COL23A1: variants seen among roughly 807,000 people sequenced by gnomAD.
The protein encoded by COL23A1 is collagen type XXIII alpha 1 chain, also known as collagen alpha-1(XXIII) chain.
In COL23A1, 97 loss-of-function variants were observed where a neutral mutation model predicts 99.3. The ratio of observed to expected loss-of-function variants is 0.98; its 90% CI spans 0.83 to 1.16. COL23A1 has a LOEUF of 1.16. Ranked by LOEUF, COL23A1 falls within the 50% of genes most tolerant of loss-of-function variation. The pLI is 0.00. For missense variants in COL23A1, 762 were observed against 757.4 expected, an observed-to-expected ratio of 1.01 and a Z score of -0.07; for synonymous variants, 320 against 308.2, an observed-to-expected ratio of 1.04 and a Z score of -0.40.
chr5:178,358,583 A>ATGTG (rs764844753), intron 2 of COL23A1, among the ~76,000 whole-genome samples: 12 of 139,622 alleles, frequency 8.6e-5, no homozygotes, highest in African/African-American at 2.4e-4. Flanking sequence ...GTGTATGTGT[A>ATGTG]TGTGTGTGTA....
chr5:178,357,903 CTAATG>C (rs1561895082), intron 2 of COL23A1, among the ~76,000 whole-genome samples: 1 of 110,408 alleles, frequency 9.1e-6, no homozygotes, highest in African/African-American at 3.5e-5. Context: ...GTATGTGTGT[CTAATG>C]TGTGTGTATG....
intron 2 of COL23A1, among the ~76,000 whole-genome samples, chr5:178,437,367 A>G (rs1445929263): frequency 6.6e-6 from 1 of 152,182 alleles, no homozygotes; most frequent in African/African-American, 2.4e-5. Flanking sequence ...GGGATGAAAC[A>G]GGGTGCCAGG....
chr5:178,554,751 G>A (rs972175141), intron 2 of COL23A1, among the ~76,000 whole-genome samples: 1 of 151,878 alleles, frequency 6.6e-6, no homozygotes, highest in Non-Finnish European at 1.5e-5. Context: ...GCCCATCAAC[G>A]TGTCCCATGC....
chr5:178,509,740 A>C (rs1371066241), intron 2 of COL23A1, among the ~76,000 whole-genome samples: 1 of 152,120 alleles, frequency 6.6e-6, no homozygotes, highest in Admixed American at 6.5e-5. Flanking sequence ...CCCCGCCCCA[A>C]GTGTGAAGCT....
At chr5:178,529,458 G>T (rs565812027) in intron 2 of COL23A1, among the ~76,000 whole-genome samples, 66 of 152,330 alleles carry the variant, frequency 4.3e-4, no homozygotes, top group African/African-American at 1.5e-3. Context: ...ACACTGAGGT[G>T]CAGGGAGGAA....
At chr5:178,254,662 A>T (rs1765210358) in intron 16 of COL23A1, among the ~76,000 whole-genome samples, 1 of 151,902 alleles carries the variant, frequency 6.6e-6, no homozygotes, top group Non-Finnish European at 1.5e-5. Flanking sequence ...GTGGGAACAG[A>T]CCCCAGGAAA....
intron 12 of COL23A1, among the ~76,000 whole-genome samples, chr5:178,257,916 G>A (rs993940557): frequency 5.3e-5 from 8 of 152,186 alleles, no homozygotes; most frequent in Non-Finnish European, 8.8e-5. Flanking sequence ...ATAAATACGA[G>A]GTTGGCTGGC....
At chr5:178,586,407 T>C (rs1764008335) in intron 1 of COL23A1, among the ~76,000 whole-genome samples, 1 of 152,160 alleles carries the variant, frequency 6.6e-6, no homozygotes, top group Non-Finnish European at 1.5e-5. Flanking sequence ...ACCTCAGGCA[T>C]GGTCTGCTCT....
chr5:178,379,955 T>G (rs1397562389), intron 2 of COL23A1, among the ~76,000 whole-genome samples: 1 of 152,022 alleles, frequency 6.6e-6, no homozygotes, highest in Non-Finnish European at 1.5e-5. Context: ...CAACCTTATT[T>G]TATAGATGAG....
intron 2 of COL23A1, among the ~76,000 whole-genome samples, chr5:178,547,494 CA>C (rs1761660826): frequency 7.1e-6 from 1 of 141,260 alleles, no homozygotes; most frequent in Non-Finnish European, 1.5e-5. Context: ...CACACCCACA[CA>C]TCCCCATACA....
intron 1 of COL23A1, among the ~76,000 whole-genome samples, chr5:178,563,106 A>G (rs752731929): frequency 6.6e-6 from 1 of 152,118 alleles, no homozygotes; most frequent in Middle Eastern, 3.4e-3. Flanking sequence ...CTTTAGGCGC[A>G]CTCACTCCTC....
chr5:178,403,120 AAAT>A (rs1214696662), intron 2 of COL23A1, among the ~76,000 whole-genome samples: 11 of 89,632 alleles, frequency 1.2e-4, no homozygotes, highest in African/African-American at 4.5e-4. Flanking sequence ...AAAAAAAAAA[AAAT>A]AAATAAATAA....
Position 178,415,193 on chromosome 5 carries a change from T to C in COL23A1, c.362-108274A>G, listed in dbSNP as rs1208724169. Among the ~76,000 whole-genome samples the C allele has an allele frequency of 6.6e-6, 1 of 152,184 alleles. No homozygotes were observed. ...AGGAAGGAGCTCCAGTCAAGGATCC[T>C]GGCATCTTGCTTGGTGCAATGACAC... On this transcript the variant is annotated intron_variant, in intron 2 of 28. Coordinates refer to ENST00000390654, the MANE Select transcript of COL23A1 (RefSeq NM_173465.4). The surrounding 1 kb of genome is among the most constrained non-coding windows in gnomAD (Gnocchi z 4.6).
In COL23A1 at chr5:178,246,414, C is replaced by T. The variant is rs1390947652; in HGVS notation, c.1336G>A (p.Glu446Lys). The T allele has an allele frequency of 6.3e-7, 1 of 1,578,780 alleles. No homozygotes were observed. The change falls in exon 23 of 29, where the codon GAG becomes AAG. Residue 446 changes from glutamate (E) to lysine (K), a missense_variant. Physicochemically the swap from Glu to Lys is moderately conservative, Grantham distance 56. Transcript: ENST00000390654. ...ACAGGCAGGCCGCTGGGGCCTCTCTCACCCGACGCACCCTTCTCTCCCTTT... is the reference window on the plus strand; with the variant it reads ...ACAGGCAGGCCGCTGGGGCCTCTCTTACCCGACGCACCCTTCTCTCCCTTT... The part of the protein sequence containing the change: ...GAKGEKGASG[E>K]RGPSGLPGPV...
intron 2 of COL23A1, among the ~76,000 whole-genome samples, chr5:178,426,090 T>A (rs1354699394): frequency 6.6e-6 from 1 of 152,226 alleles, no homozygotes; most frequent in Admixed American, 6.5e-5. Flanking sequence ...TGTAGAAGTC[T>A]CCGTTTAGTG....
chr5:178,394,100 G>A (rs1764105039), intron 2 of COL23A1, among the ~76,000 whole-genome samples: 1 of 152,214 alleles, frequency 6.6e-6, no homozygotes, highest in Admixed American at 6.5e-5. Context: ...ACCTGGGAGG[G>A]CAGGAGGAAG....
intron 2 of COL23A1, 107 bp downstream of exon 2, chr5:178,560,575 C>T (rs62391102): frequency 7.1e-6 from 7 of 979,250 alleles, no homozygotes; most frequent in East Asian, 5.2e-5. Context: ...TGCACGAAGA[C>T]GACAGCCTGA....
In COL23A1 at chr5:178,313,669, C is replaced by T. The variant is rs2127615793; in HGVS notation, c.362-6750G>A. ...AAGATTTTCTCATCCCACCACGTGTCGAGTGTCCCTTCAGACCTGGTCCTT... is the reference window on the plus strand; with the variant it reads ...AAGATTTTCTCATCCCACCACGTGTTGAGTGTCCCTTCAGACCTGGTCCTT... On this transcript the variant is annotated intron_variant, in intron 2 of 28. Coordinates refer to ENST00000390654, the MANE Select transcript of COL23A1 (RefSeq NM_173465.4). This position sits in a 1 kb window ranked among gnomAD's most constrained non-coding sequence, Gnocchi z 4.2. Among the ~76,000 whole-genome samples the T allele has an allele frequency of 6.6e-6, 1 of 152,300 alleles. No homozygotes were observed. The highest frequency in any genetic ancestry group is 2.4e-5 in the African/African-American group (1 of 41,556).
At chr5:178,381,599 T>C (rs1324819662) in intron 2 of COL23A1, among the ~76,000 whole-genome samples, 2 of 152,202 alleles carry the variant, frequency 1.3e-5, no homozygotes, top group Admixed American at 1.3e-4. Context: ...ATTCTGTGTC[T>C]CCGGGCCCAG....
Sources: gnomAD v4.1 joint callset for allele counts (sites outside exome capture counted in the v4.1 genomes callset) on GRCh38, gnomAD v4.1.1 for gene constraint, Gnocchi (gnomAD v3.1) non-coding constraint, MANE v1.5 for transcripts, NCBI Gene and HGNC (gene_info 2026-07-23, HGNC 2026-07-21) for gene names.